The following COL8A2 variants were observed in gnomAD, a reference collection of about 807,000 sequenced individuals.
COL8A2 encodes the protein collagen type VIII alpha 2 chain, also known as collagen alpha-2(VIII) chain.
A neutral mutation model predicts 24.0 loss-of-function variants in COL8A2; 16 were observed. That is an observed-to-expected ratio of 0.67 (90% CI 0.45 to 1.01). COL8A2 has a LOEUF of 1.01. Among genes scored for constraint, COL8A2 ranks in the 50% least tolerant of loss-of-function variants. COL8A2 has a pLI of 0.00. For missense variants in COL8A2, 818 were observed against 942.4 expected, an observed-to-expected ratio of 0.87 and a Z score of 1.73; for synonymous variants, 466 against 424.5, an observed-to-expected ratio of 1.10 and a Z score of -1.20.
intron 3 of COL8A2, 140 bp from the exon 4 acceptor site, chr1:36,099,627 G>A (rs1048981259): frequency 6.2e-5 from 44 of 710,576 alleles, no homozygotes; most frequent in Non-Finnish European, 9.1e-5. Context: ...ATGGAAGATG[G>A]GGTTTGGGGG....
intron 3 of COL8A2, 93 bp downstream of exon 3, chr1:36,099,957 G>A: frequency 8.2e-7 from 1 of 1,214,410 alleles, no homozygotes; most frequent in Admixed American, 1.7e-5. Flanking sequence ...GAGGAGCTGT[G>A]GAGGGCGCCT....
chr1:36,097,461 C>CG lies in COL8A2; in HGVS notation c.*107dup. ...AGTCTCCTCGGGCCAAGGCCACGGC[C>CG]GCCTCTGTTCAGCTTTTGTTTTTTT... On this transcript the variant is annotated 3_prime_UTR_variant, in exon 4 of 4. Coordinates refer to ENST00000397799, the MANE Select transcript of COL8A2 (RefSeq NM_005202.4). The CG allele has an allele frequency of 1.1e-6, 1 of 933,296 alleles. No homozygotes were observed. The highest frequency in any genetic ancestry group is 1.6e-6 in the Non-Finnish European group (1 of 607,036). The allele number at this position is 933,296 out of a possible 1,614,324, so 57.8% of individuals were successfully genotyped here.
chr1:36,116,958 T>C (rs1169348091), intron 1 of COL8A2, among the ~76,000 whole-genome samples: 3 of 152,176 alleles, frequency 2.0e-5, no homozygotes, highest in Admixed American at 6.5e-5. Context: ...CCAGGTCACA[T>C]AGCTGTACGC....
chr1:36,111,008 C>T (rs1196528324), intron 2 of COL8A2, among the ~76,000 whole-genome samples: 1 of 152,120 alleles, frequency 6.6e-6, no homozygotes, highest in Non-Finnish European at 1.5e-5. Flanking sequence ...GGTTCCTGAG[C>T]CCCACCTGCC....
In COL8A2 at chr1:36,097,574, T is replaced by C; in HGVS notation, c.2107A>G (p.Thr703Ala). ...AGCAGGACCCCCCCCGCGGGTTATG[T>C]GGGGCAGAGCAAGAATCCTGAAAAG... ...SSFSGFLLCPT is the reference protein window; with the variant it reads ...SSFSGFLLCPA Residue 703 changes from threonine to alanine, a missense_variant, in exon 4 of 4, where the codon ACA becomes GCA. Physicochemically the swap from Thr to Ala is moderately conservative, Grantham distance 58. Around this residue, in one of 3 missense-constraint regions of COL8A2, gnomAD observed 235 missense variants for 297.3 expected, o/e 0.79. Coordinates refer to ENST00000397799, the MANE Select transcript of COL8A2 (RefSeq NM_005202.4). 6.2e-7 allele frequency: 1 copy of C among 1,604,838 alleles called. No homozygotes were observed. The highest frequency in any genetic ancestry group is 1.1e-5 in the South Asian group (1 of 90,860).
At chr1:36,102,618 CTGAA>C (rs962573680) in intron 2 of COL8A2, among the ~76,000 whole-genome samples, 14 of 148,900 alleles carry the variant, frequency 9.4e-5, no homozygotes, top group South Asian at 2.1e-4. Context: ...GAATTGTACA[CTGAA>C]TGGGCCAATT....
At chr1:36,114,519 A>C (rs1360539192) in intron 2 of COL8A2, among the ~76,000 whole-genome samples, 5 of 151,910 alleles carry the variant, frequency 3.3e-5, no homozygotes, top group African/African-American at 1.2e-4. Flanking sequence ...TTCCTGCATG[A>C]TCCTCTCTGC....
intron 1 of COL8A2, among the ~76,000 whole-genome samples, chr1:36,120,187 C>G (rs570180408): frequency 6.6e-6 from 1 of 152,184 alleles, no homozygotes. Context: ...TGTAGACGTA[C>G]GACAATTGAG....
chr1:36,111,239 T>A (rs994257484), intron 2 of COL8A2, among the ~76,000 whole-genome samples: 2 of 151,796 alleles, frequency 1.3e-5, no homozygotes, highest in African/African-American at 2.4e-5. Flanking sequence ...CCAGCCCTTC[T>A]CAGCCAAGCC....
At chr1:36,100,808 C>T (rs1468891721) in intron 2 of COL8A2, among the ~76,000 whole-genome samples, 2 of 151,326 alleles carry the variant, frequency 1.3e-5, no homozygotes, top group East Asian at 1.9e-4. Context: ...TCTGACTGCA[C>T]CTTCTGCTGA....
At position 36,098,963 on chromosome 1, in the gene COL8A2, C is replaced by T; in HGVS notation, c.718G>A (p.Gly240Ser). The change falls in exon 4 of 4, where the codon GGT becomes AGT. Residue 240 changes from glycine (G) to serine (S), a missense_variant. By Grantham distance (56) the Gly-to-Ser change is moderately conservative. Transcript: ENST00000397799. ...LPGPAGLGKP[G>S]LDGLPGAPGD... ...GGGGCCCCAGGAAGCCCATCCAAAC[C>T]AGGTTTGCCTAAGCCAGCTGGACCA... The T allele has an allele frequency of 6.2e-7, 1 of 1,609,478 alleles. No individual in the cohort carries two copies. The highest frequency in any genetic ancestry group is 8.5e-7 in the Non-Finnish European group (1 of 1,177,850).
chr1:36,097,451 A>C lies in COL8A2; in HGVS notation c.*118T>G. ...AAAGCAAGTTAGTCTCCTCGGGCCA[A>C]GGCCACGGCCGCCTCTGTTCAGCTT... is the stretch of plus-strand genomic sequence containing the variant. On this transcript the variant is annotated 3_prime_UTR_variant, in exon 4 of 4. Coordinates refer to ENST00000397799, the MANE Select transcript of COL8A2 (RefSeq NM_005202.4). The C allele has an allele frequency of 1.2e-6, 1 of 857,148 alleles. No individual in the cohort carries two copies. Among genetic ancestry groups the C allele is most frequent in the Non-Finnish European group, 1.9e-6 (1 of 539,542 alleles). 53.1% of individuals were successfully genotyped at this position (857,148 alleles called of 1,614,324 possible).
At chr1:36,121,091 TA>T (rs199759654) in intron 1 of COL8A2, among the ~76,000 whole-genome samples, 1,286 of 102,420 alleles carry the variant, frequency 0.013, 13 homozygotes, top group African/African-American at 0.04. Flanking sequence ...TCCGTCTTAA[TA>T]AAAAAAAAAA....
At chr1:36,099,617 A>G (rs776096520) in intron 3 of COL8A2, 130 bp from the exon 4 acceptor site, 37 of 741,806 alleles carry the variant, frequency 5.0e-5, no homozygotes, top group East Asian at 1.3e-4. Flanking sequence ...TCCTGCTCTC[A>G]TGGAAGATGG....
chr1:36,099,572 G>T, intron 3 of COL8A2, 85 bp from the exon 4 acceptor site: 1 of 1,011,024 alleles, frequency 9.9e-7, no homozygotes, highest in Non-Finnish European at 1.5e-6. Context: ...ATTCCAGTAT[G>T]AGGTACACGG....
Position 36,099,142 on chromosome 1 carries a change from A to C in COL8A2, c.539T>G (p.Val180Gly). The C allele has an allele frequency of 6.7e-7, 1 of 1,498,494 alleles. No individual in the cohort carries two copies. The highest frequency in any genetic ancestry group is 8.9e-7 in the Non-Finnish European group (1 of 1,125,708). 92.8% of individuals were successfully genotyped at this position (1,498,494 alleles called of 1,614,324 possible). A position where few individuals can be genotyped will look rare whatever the true frequency, so the allele number is the denominator to read the frequency against. The change falls in exon 4 of 4, where the codon GTG becomes GGG. Residue 180 changes from valine to glycine, a missense_variant. By Grantham distance (109) the Val-to-Gly change is moderately radical. Transcript: ENST00000397799. ...CCCCTGGAATCCTGGGGGCCCTGGCACCCCTTGGGCACCTGGTTTTCCAGG... is the reference window on the plus strand; with the variant it reads ...CCCCTGGAATCCTGGGGGCCCTGGCCCCCCTTGGGCACCTGGTTTTCCAGG... ...TIPGKPGAQG[V>G]PGPPGFQGEP...
intron 1 of COL8A2, among the ~76,000 whole-genome samples, chr1:36,121,266 G>T (rs932017155): frequency 2.0e-5 from 3 of 149,612 alleles, no homozygotes; most frequent in African/African-American, 7.4e-5. Flanking sequence ...GTGCTCACCT[G>T]TAGTCCCAGC....
chr1:36,109,981 G>A (rs577885907), intron 2 of COL8A2, among the ~76,000 whole-genome samples: 39 of 137,834 alleles, frequency 2.8e-4, no homozygotes, highest in African/African-American at 1.1e-3. Flanking sequence ...CCAGACTGGA[G>A]TGCAGTGGCG....
Position 36,098,741 on chromosome 1 carries a change from C to T in COL8A2, c.940G>A (p.Gly314Ser), listed in dbSNP as rs376000034. 2.5e-6 allele frequency: 4 copies of T among 1,611,640 alleles called. No individual in the cohort carries two copies. The highest frequency in any genetic ancestry group is 3.4e-6 in the Non-Finnish European group (4 of 1,179,622). Residue 314 changes from glycine to serine, a missense_variant, in exon 4 of 4, where the codon GGC (glycine) becomes AGC (serine). Around this residue, in one of 3 missense-constraint regions of COL8A2, gnomAD observed 573 missense variants for 616.8 expected, o/e 0.93. Coordinates refer to ENST00000397799, the MANE Select transcript of COL8A2 (RefSeq NM_005202.4). Reference protein sequence around the residue: ...RGPPGLIGPTGYGMPGLPGPK... With the variant: ...RGPPGLIGPTSYGMPGLPGPK... Reference sequence around the variant, plus strand: ...CCTGGCAGTCCTGGCATCCCATAGCCAGTGGGGCCTATCAGCCCAGGGGGG... The same window carrying T: ...CCTGGCAGTCCTGGCATCCCATAGCTAGTGGGGCCTATCAGCCCAGGGGGG...
Sources: allele counts gnomAD v4.1 joint callset (sites outside exome capture counted in the v4.1 genomes callset), GRCh38; gene constraint gnomAD v4.1.1; regional missense constraint gnomAD v4.1.1; transcripts MANE v1.5; gene names NCBI Gene and HGNC (gene_info 2026-07-23, HGNC 2026-07-21).